Variants in REEP2 observed in about 807,000 individuals in gnomAD.
REEP2 encodes receptor expression-enhancing protein 2.
A neutral mutation model predicts 32.1 loss-of-function variants in REEP2; 9 were observed. That is an observed-to-expected ratio of 0.28 (90% CI 0.17 to 0.49). The LOEUF (loss-of-function observed/expected upper bound fraction) is 0.49, where lower values mean the gene tolerates loss of function less well. REEP2 is among the 20% of genes least tolerant of loss of function. REEP2 has a pLI of 0.99. For synonymous variants in REEP2, 128 were observed against 139.1 expected (o/e 0.92, Z 0.56); for missense variants, 236 against 338.0 (o/e 0.70, Z 2.37).
chr5:138,445,466 A>G lies in REEP2; in HGVS notation c.566-2A>G, dbSNP rs1580980503. 1 of 1,614,162 alleles carries G rather than the reference A, an allele frequency of 6.2e-7. No homozygotes were observed. Among genetic ancestry groups the G allele is most frequent in the Non-Finnish European group, 8.5e-7 (1 of 1,180,018 alleles). ...CCCACCTCCTTTTCTCCCTGCACCCAGGAGATGACCCTGCCCTGAGTCTAA... is the reference window on the plus strand; with the variant it reads ...CCCACCTCCTTTTCTCCCTGCACCCGGGAGATGACCCTGCCCTGAGTCTAA... On this transcript the variant is annotated splice_acceptor_variant, in intron 6 of 7. Coordinates refer to ENST00000378339, the MANE Select transcript of REEP2 (RefSeq NM_001271803.2). LOFTEE classifies it high-confidence loss of function.
rs370528887 is a variant in REEP2, at chr5:138,441,006, G to C, written c.33-10G>C. ...GCTGAGAGGCCCAGTAACCATGCCT[G>C]CCTCCCTAGGCTCATCTTTGGCACC... On this transcript the variant is annotated splice_polypyrimidine_tract_variant and intron_variant, in intron 1 of 7. Transcript: ENST00000378339. This position sits in a 1 kb window ranked among gnomAD's most constrained non-coding sequence, Gnocchi z 4.4. 8.7e-6 allele frequency: 14 copies of C among 1,611,828 alleles called. No homozygotes were observed. The African/African-American group carries it at 1.6e-4, about 18-fold the overall frequency.
At chr5:138,445,207 G>C (rs1381877499) in intron 5 of REEP2, 21 bp from the exon 6 acceptor site, 1 of 1,567,254 alleles carries the variant, frequency 6.4e-7, no homozygotes, top group South Asian at 1.2e-5. Context: ...CGGCTCTCCC[G>C]GTGCGTGGTG....
Position 138,439,222 on chromosome 5 carries a change from T to C in REEP2, c.14T>C (p.Ile5Thr). The C allele has an allele frequency of 7.1e-7, 1 of 1,415,630 alleles. No homozygotes were observed. Among genetic ancestry groups the C allele is most frequent in the Non-Finnish European group, 9.2e-7 (1 of 1,088,094 alleles). 87.7% of individuals were successfully genotyped at this position (1,415,630 alleles called of 1,614,324 possible). MVSW[I>T]ISRLVVLIFG... ...CCCGGCCCCGCCATGGTGTCCTGGA[T>C]CATCTCTCGCCTGGTGGTGTGAGTG... Residue 5 changes from isoleucine to threonine, a missense_variant, in exon 1 of 8, where the codon ATC becomes ACC. Coordinates refer to ENST00000378339, the MANE Select transcript of REEP2 (RefSeq NM_001271803.2).
Position 138,445,747 on chromosome 5 carries a change from CT to C in REEP2, c.763del (p.Ter255GlufsTer68). On this transcript the variant is annotated frameshift_variant, in exon 8 of 8. Transcript: ENST00000378339. LOFTEE classifies it high-confidence loss of function. ...AAGACCTCTGGCGGGGGCGACTCAG[CT>C]TGAGCCCCTCCACCCCCGCAGGCTG... ...KKKTSGGGDS[A>X] 1 of 1,613,800 alleles carries C rather than the reference CT, an allele frequency of 6.2e-7. No homozygotes were observed. The highest frequency in any genetic ancestry group is 2.2e-5 in the East Asian group (1 of 44,862).
chr5:138,444,110 G>A (rs931213218), intron 3 of REEP2, among the ~76,000 whole-genome samples: 18 of 152,106 alleles, frequency 1.2e-4, no homozygotes, highest in Non-Finnish European at 2.2e-4. Context: ...GTTGACCCTA[G>A]GGCAGAGGAA....
Position 138,441,452 on chromosome 5 carries a change from T to C in REEP2, c.173T>C (p.Val58Ala). The C allele has an allele frequency of 6.2e-7, 1 of 1,614,112 alleles. No individual in the cohort carries two copies. Among genetic ancestry groups the C allele is most frequent in the Non-Finnish European group, 8.5e-7 (1 of 1,179,970 alleles). Residue 58 changes from valine to alanine, a missense_variant, in exon 3 of 8, where the codon GTG becomes GCG. Transcript: ENST00000378339. The surrounding 1 kb of genome is among the most constrained non-coding windows in gnomAD (Gnocchi z 4.4). ...FTTAETLTDI[V>A]LSWFPFYFEL... Reference sequence around the variant, plus strand: ...ACGGCCGAGACGCTCACGGATATAGTGCTCTCCTGGTGAGGTCCAGCGTCC... The same window carrying C: ...ACGGCCGAGACGCTCACGGATATAGCGCTCTCCTGGTGAGGTCCAGCGTCC...
intron 1 of REEP2, 187 bp from the exon 2 acceptor site, chr5:138,440,829 G>GGGGCATCACCCTACCTGGCT: frequency 8.8e-7 from 1 of 1,133,288 alleles, no homozygotes; most frequent in African/African-American, 1.6e-5. Flanking sequence ...GAGCGGGGAG[G>GGGGCATCACCCTACCTGGCT]GGGCATCACC....
In REEP2 at chr5:138,441,585, G is replaced by T; in HGVS notation, c.182+124G>T. 7 of 773,328 alleles carry T rather than the reference G, an allele frequency of 9.1e-6. No homozygotes were observed. In the South Asian group the frequency reaches 1.1e-4, roughly 12 times the overall value. The allele number at this position is 773,328 out of a possible 1,614,324, so 47.9% of individuals were successfully genotyped here. A position where few individuals can be genotyped will look rare whatever the true frequency, so the allele number is the denominator to read the frequency against. Reference sequence around the variant, plus strand: ...CTCCCATTCCTGACAATTTCATGGGGTCCTTGATATCTCCCCTCTCATGCC... The same window carrying T: ...CTCCCATTCCTGACAATTTCATGGGTTCCTTGATATCTCCCCTCTCATGCC... On this transcript the variant is annotated intron_variant, in intron 3 of 7. Transcript: ENST00000378339. This position sits in a 1 kb window ranked among gnomAD's most constrained non-coding sequence, Gnocchi z 4.4.
chr5:138,445,786 G>A lies in REEP2; in HGVS notation c.*35G>A. 4 of 1,597,434 alleles carry A rather than the reference G, an allele frequency of 2.5e-6. No homozygotes were observed. Among genetic ancestry groups the A allele is most frequent in the South Asian group, 2.2e-5 (2 of 89,106 alleles). On this transcript the variant is annotated 3_prime_UTR_variant, in exon 8 of 8. Transcript: ENST00000378339. ...CCCCCGCAGGCTGCAGAGCAAGGAT[G>A]AAGCCTCAGGAGGGGCCTCAGACCC... is the stretch of plus-strand genomic sequence containing the variant.
Position 138,441,361 on chromosome 5 carries a change from C to A in REEP2, c.106-24C>A. 6.2e-7 allele frequency: 1 copy of A among 1,610,380 alleles called. No homozygotes were observed. The highest frequency in any genetic ancestry group is 8.5e-7 in the Non-Finnish European group (1 of 1,176,560). Reference sequence around the variant, plus strand: ...CTGGCCCCTCAGCCCCGTGCCCCAGCCAGCGCTTCCCTCTGTCCCTCAGGT... The same window carrying A: ...CTGGCCCCTCAGCCCCGTGCCCCAGACAGCGCTTCCCTCTGTCCCTCAGGT... On this transcript the variant is annotated intron_variant, in intron 2 of 7. Coordinates refer to ENST00000378339, the MANE Select transcript of REEP2 (RefSeq NM_001271803.2). This position sits in a 1 kb window ranked among gnomAD's most constrained non-coding sequence, Gnocchi z 4.4.
In REEP2 at chr5:138,441,249, A is replaced by G; in HGVS notation, c.106-136A>G. 7.9e-7 allele frequency: 1 copy of G among 1,268,612 alleles called. No homozygotes were observed. The highest frequency in any genetic ancestry group is 2.3e-5 in the East Asian group (1 of 43,078). The allele number at this position is 1,268,612 out of a possible 1,614,324, so 78.6% of individuals were successfully genotyped here. Reference sequence around the variant, plus strand: ...CCTGGGTGTCCCACACAGCGCCTCCAACATGGCTGGCAGGCAGAAGTGGGG... The same window carrying G: ...CCTGGGTGTCCCACACAGCGCCTCCGACATGGCTGGCAGGCAGAAGTGGGG... On this transcript the variant is annotated intron_variant, in intron 2 of 7. Coordinates refer to ENST00000378339, the MANE Select transcript of REEP2 (RefSeq NM_001271803.2). This position sits in a 1 kb window ranked among gnomAD's most constrained non-coding sequence, Gnocchi z 4.4.
At chr5:138,444,611 C>A in intron 4 of REEP2, 76 bp downstream of exon 4, 1 of 1,585,200 alleles carries the variant, frequency 6.3e-7, no homozygotes. Context: ...CTCATACAGA[C>A]TGGCCCTCCC....
Position 138,439,125 on chromosome 5 carries a change from T to TGCCGCC in REEP2, c.-72_-67dup, listed in dbSNP as rs1003310174. 1.5e-5 allele frequency: 13 copies of TGCCGCC among 859,572 alleles called. No individual in the cohort carries two copies. Among genetic ancestry groups the TGCCGCC allele is most frequent in the South Asian group, 1.1e-4 (2 of 17,992 alleles). 53.2% of individuals were successfully genotyped at this position (859,572 alleles called of 1,614,324 possible). ...CTGCTGCTGCTACTGCGGCTCCTGCTGCCGCCGCCGCCGCCGCTCGGCCTC... is the reference window on the plus strand; with the variant it reads ...CTGCTGCTGCTACTGCGGCTCCTGCTGCCGCCGCCGCCGCCGCCGCCGCTCGGCCTC... On this transcript the variant is annotated 5_prime_UTR_variant, in exon 1 of 8. Transcript: ENST00000378339.
rs761964814 is a variant in REEP2, at chr5:138,444,848, C to T, written c.398C>T (p.Ala133Val). Residue 133 changes from alanine to valine, a missense_variant, in exon 5 of 8, where the codon GCA (alanine) becomes GTA (valine). Coordinates refer to ENST00000378339, the MANE Select transcript of REEP2 (RefSeq NM_001271803.2). ...GGCCTGAACCTTGCCGCCAATGCTG[C>T]AGTCACAGCTGCCGCCAAGGTGAGA... Reference protein sequence around the residue: ...KRGLNLAANAAVTAAAKGQGV... With the variant: ...KRGLNLAANAVVTAAAKGQGV... The T allele has an allele frequency of 1.9e-6, 3 of 1,613,092 alleles. No homozygotes were observed. The highest frequency in any genetic ancestry group is 2.5e-6 in the Non-Finnish European group (3 of 1,179,498).
At chr5:138,445,188 C>G (rs1401280406) in intron 5 of REEP2, 40 bp from the exon 6 acceptor site, 1 of 1,545,844 alleles carries the variant, frequency 6.5e-7, no homozygotes, top group African/African-American at 1.4e-5. Context: ...CCACCCCGCC[C>G]CTTCCCCCCG....
intron 5 of REEP2, 56 bp from the exon 6 acceptor site, chr5:138,445,172 C>CT: frequency 4.6e-6 from 7 of 1,529,252 alleles, no homozygotes; most frequent in Non-Finnish European, 6.1e-6. Flanking sequence ...ATGGTGACCT[C>CT]TATCTCCACC....
Position 138,445,776 on chromosome 5 carries a change from G to A in REEP2, c.*25G>A. The A allele has an allele frequency of 6.2e-7, 1 of 1,606,646 alleles. No homozygotes were observed. ...AGCCCCTCCACCCCCGCAGGCTGCA[G>A]AGCAAGGATGAAGCCTCAGGAGGGG... is the stretch of plus-strand genomic sequence containing the variant. On this transcript the variant is annotated 3_prime_UTR_variant, in exon 8 of 8. Coordinates refer to ENST00000378339, the MANE Select transcript of REEP2 (RefSeq NM_001271803.2).
chr5:138,441,076 C>T lies in REEP2; in HGVS notation c.93C>T (p.Asn31=), dbSNP rs1320429344. 4 of 1,613,850 alleles carry T rather than the reference C, an allele frequency of 2.5e-6. No homozygotes were observed. Among genetic ancestry groups the T allele is most frequent in the Non-Finnish European group, 3.4e-6 (4 of 1,179,998 alleles). Residue 31 remains asparagine, a synonymous_variant, in exon 2 of 8, where the codon AAC becomes AAT. Transcript: ENST00000378339. This position sits in a 1 kb window ranked among gnomAD's most constrained non-coding sequence, Gnocchi z 4.4. ...YSSYKAVKTK[N]VKEYVKWMMY... ...CCTACAAGGCCGTGAAGACAAAAAA[C>T]GTGAAGGAATATGTGAGTGGATGAC...
Position 138,445,760 on chromosome 5 carries a change from AC to A in REEP2, c.*14del. The A allele has an allele frequency of 6.2e-7, 1 of 1,612,006 alleles. No individual in the cohort carries two copies. Among genetic ancestry groups the A allele is most frequent in the Non-Finnish European group, 8.5e-7 (1 of 1,179,274 alleles). ...GGGGCGACTCAGCTTGAGCCCCTCC[AC>A]CCCCGCAGGCTGCAGAGCAAGGATG... On this transcript the variant is annotated 3_prime_UTR_variant, in exon 8 of 8. Transcript: ENST00000378339.
Sources: gnomAD v4.1 joint callset for allele counts (sites outside exome capture counted in the v4.1 genomes callset) on GRCh38, gnomAD v4.1.1 for gene constraint, Gnocchi (gnomAD v3.1) non-coding constraint, MANE v1.5 for transcripts, NCBI Gene and HGNC (gene_info 2026-07-23, HGNC 2026-07-21) for gene names.